PIK3R5: variants seen among roughly 807,000 people sequenced by gnomAD.
PIK3R5 encodes the protein phosphoinositide-3-kinase regulatory subunit 5.
A neutral mutation model predicts 94.9 loss-of-function variants in PIK3R5; 32 were observed. That is an observed-to-expected ratio of 0.34 (90% CI 0.25 to 0.45). The LOEUF (loss-of-function observed/expected upper bound fraction) is 0.45. Ranked by LOEUF, PIK3R5 falls within the 20% of genes least tolerant of loss-of-function variation. The probability of loss-of-function intolerance (pLI) is 1.00; values close to 1 mark genes in which losing one functional copy is unlikely to be tolerated. For missense variants in PIK3R5, 853 were observed against 1,144.6 expected, an observed-to-expected ratio of 0.75 and a Z score of 3.68; for synonymous variants, 443 against 479.4, an observed-to-expected ratio of 0.92 and a Z score of 0.99.
intron 1 of PIK3R5, among the ~76,000 whole-genome samples, chr17:8,918,125 A>T (rs531774835): frequency 5.9e-5 from 9 of 152,392 alleles, no homozygotes; most frequent in African/African-American, 1.9e-4. Flanking sequence ...ATACACATAC[A>T]TACATTTTCT....
At chr17:8,943,455 C>T (rs1208296325) in intron 1 of PIK3R5, among the ~76,000 whole-genome samples, 1 of 152,002 alleles carries the variant, frequency 6.6e-6, no homozygotes, top group Non-Finnish European at 1.5e-5. Context: ...CAATCTAATA[C>T]TTGAGCACAC....
At position 8,945,236 on chromosome 17, in the gene PIK3R5, C is replaced by T. The variant is rs1013009900; in HGVS notation, c.-14+20360G>A. Reference sequence around the variant, plus strand: ...CCTGGCTTCCTATACACTCAAGAGGCACAGCTAAGGCCTAGGAGTTGTGCC... The same window carrying T: ...CCTGGCTTCCTATACACTCAAGAGGTACAGCTAAGGCCTAGGAGTTGTGCC... On this transcript the variant is annotated intron_variant, in intron 1 of 18. Coordinates refer to ENST00000447110, the MANE Select transcript of PIK3R5 (RefSeq NM_001142633.3). This position sits in a 1 kb window ranked among gnomAD's most constrained non-coding sequence, Gnocchi z 4.0. Among the ~76,000 whole-genome samples, 3 of 152,166 alleles carry T rather than the reference C, an allele frequency of 2.0e-5. No individual in the cohort carries two copies. The highest frequency in any genetic ancestry group is 7.2e-5 in the African/African-American group (3 of 41,434).
intron 1 of PIK3R5, among the ~76,000 whole-genome samples, chr17:8,948,042 T>TAAAAAAAAAAAAAAAAAAAAAAAAAA (rs71135932): frequency 1.6e-5 from 1 of 62,776 alleles, no homozygotes; most frequent in Non-Finnish European, 3.0e-5. Context: ...GACTCCGTCT[T>TAAAAAAAAAAAAAAAAAAAAAAAAAA]AAAAAAAAAA....
rs989120304 is a variant in PIK3R5 at position 8,955,587 on chromosome 17, G to A, written c.-14+10009C>T. Among the ~76,000 whole-genome samples the A allele has an allele frequency of 6.6e-6, 1 of 152,336 alleles. No individual in the cohort carries two copies. Among genetic ancestry groups the A allele is most frequent in the African/African-American group, 2.4e-5 (1 of 41,572 alleles). ...CATAAGAAGAATCTCCTGGTGAAGA[G>A]AGGAAGAGCCTGTGGTCCAAAAGGC... On this transcript the variant is annotated intron_variant, in intron 1 of 18. Coordinates refer to ENST00000447110, the MANE Select transcript of PIK3R5 (RefSeq NM_001142633.3). This position sits in a 1 kb window ranked among gnomAD's most constrained non-coding sequence, Gnocchi z 4.4.
chr17:8,930,927 C>T (rs944845605), intron 1 of PIK3R5, among the ~76,000 whole-genome samples: 3 of 152,128 alleles, frequency 2.0e-5, no homozygotes, highest in East Asian at 1.9e-4. Flanking sequence ...GAGGGATCCT[C>T]GTGGTGATAG....
At chr17:8,887,375 G>A (rs1161818049) in intron 11 of PIK3R5, 146 bp downstream of exon 11, 1 of 1,332,908 alleles carries the variant, frequency 7.5e-7, no homozygotes, top group Non-Finnish European at 1.0e-6. Context: ...ATGGCAAAAT[G>A]TCATGTCCAA....
intron 1 of PIK3R5, among the ~76,000 whole-genome samples, chr17:8,913,090 G>A (rs563354869): frequency 2.1e-4 from 32 of 152,330 alleles, no homozygotes; most frequent in African/African-American, 7.2e-4. Flanking sequence ...AAACAAAGAC[G>A]TGATTCCAAG....
At position 8,909,005 on chromosome 17, in the gene PIK3R5, C is replaced by T; in HGVS notation, c.204+69G>A. 3 of 961,052 alleles carry T rather than the reference C, an allele frequency of 3.1e-6. No individual in the cohort carries two copies. The highest frequency in any genetic ancestry group is 2.0e-5 in the Admixed American group (1 of 49,798). 59.5% of individuals were successfully genotyped at this position (961,052 alleles called of 1,614,324 possible). ...TCCAGGCACCCAGGAATGATGTTCTCTGGGACCTATTTCTCCACTCTACGA... is the reference window on the plus strand; with the variant it reads ...TCCAGGCACCCAGGAATGATGTTCTTTGGGACCTATTTCTCCACTCTACGA... On this transcript the variant is annotated intron_variant, in intron 3 of 18. Transcript: ENST00000447110. The surrounding 1 kb of genome is among the most constrained non-coding windows in gnomAD (Gnocchi z 4.3).
chr17:8,887,783 A>C lies in PIK3R5; in HGVS notation c.1617-100T>G, dbSNP rs1055962579. 26 of 1,101,988 alleles carry C rather than the reference A, an allele frequency of 2.4e-5. No individual in the cohort carries two copies. In the African/African-American group the frequency reaches 4.0e-4, roughly 17 times the overall value. The allele number at this position is 1,101,988 out of a possible 1,614,324, so 68.3% of individuals were successfully genotyped here. ...TGAGGTGGGTGGATCACCCGAGGCCAGGAGTTCAAGACCAGCCTGGTCAAC... is the reference window on the plus strand; with the variant it reads ...TGAGGTGGGTGGATCACCCGAGGCCCGGAGTTCAAGACCAGCCTGGTCAAC... On this transcript the variant is annotated intron_variant, in intron 10 of 18. Transcript: ENST00000447110.
intron 1 of PIK3R5, among the ~76,000 whole-genome samples, chr17:8,926,694 T>TCCCACAACA: frequency 6.6e-6 from 1 of 152,214 alleles, no homozygotes; most frequent in East Asian, 1.9e-4. Context: ...ACCAGGTCCC[T>TCCCACAACA]CCCACAACAC....
chr17:8,957,003 G>A (rs186056525), intron 1 of PIK3R5, among the ~76,000 whole-genome samples: 112 of 152,274 alleles, frequency 7.4e-4, no homozygotes, highest in Non-Finnish European at 1.4e-3. Context: ...TGCGGAGAAC[G>A]GGCTGTGAAG....
At chr17:8,899,339 G>A (rs1174756904) in intron 5 of PIK3R5, among the ~76,000 whole-genome samples, 1 of 152,176 alleles carries the variant, frequency 6.6e-6, no homozygotes, top group Admixed American at 6.5e-5. Flanking sequence ...AGACTTCACG[G>A]GGGGAGGGCC....
Position 8,925,850 on chromosome 17 carries a change from G to A in PIK3R5, c.-13-14343C>T, listed in dbSNP as rs1200891145. Among the ~76,000 whole-genome samples, 1 of 152,188 alleles carries A rather than the reference G, an allele frequency of 6.6e-6. No individual in the cohort carries two copies. The highest frequency in any genetic ancestry group is 1.5e-5 in the Non-Finnish European group (1 of 68,032). ...ACATTCACTGAGATGGAGAAGTTTG[G>A]GGAGAGGACAATTTGGGAGAGGAAA... is the stretch of plus-strand genomic sequence containing the variant. On this transcript the variant is annotated intron_variant, in intron 1 of 18. Transcript: ENST00000447110. The surrounding 1 kb of genome is among the most constrained non-coding windows in gnomAD (Gnocchi z 5.1).
chr17:8,907,827 G>A (rs1019671972), intron 3 of PIK3R5, among the ~76,000 whole-genome samples: 3 of 151,906 alleles, frequency 2.0e-5, no homozygotes, highest in Non-Finnish European at 4.4e-5. Context: ...TTGTAGAGAC[G>A]AGGTCTTGCT....
At chr17:8,914,568 T>C (rs2090594874) in intron 1 of PIK3R5, among the ~76,000 whole-genome samples, 2 of 152,176 alleles carry the variant, frequency 1.3e-5, no homozygotes, top group South Asian at 4.1e-4. Flanking sequence ...GATCCTTCCT[T>C]CTCTCCGCAA....
chr17:8,888,993 A>G lies in PIK3R5; in HGVS notation c.896-102T>C. On this transcript the variant is annotated intron_variant, in intron 9 of 18. Coordinates refer to ENST00000447110, the MANE Select transcript of PIK3R5 (RefSeq NM_001142633.3). This position sits in a 1 kb window ranked among gnomAD's most constrained non-coding sequence, Gnocchi z 7.8. ...CAGCAGGACTCAGGGCCAGCCCAGG[A>G]CTCCTAGCACTGCCCCCTTGCTCTG... The G allele has an allele frequency of 6.6e-7, 1 of 1,518,558 alleles. No individual in the cohort carries two copies. 94.1% of individuals were successfully genotyped at this position (1,518,558 alleles called of 1,614,324 possible). A position where few individuals can be genotyped will look rare whatever the true frequency, so the allele number is the denominator to read the frequency against.
At position 8,945,106 on chromosome 17, in the gene PIK3R5, A is replaced by G. The variant is rs1258913312; in HGVS notation, c.-14+20490T>C. 6.6e-6 allele frequency among the ~76,000 whole-genome samples: 1 copy of G among 152,120 alleles called. No individual in the cohort carries two copies. Among genetic ancestry groups the G allele is most frequent in the Non-Finnish European group, 1.5e-5 (1 of 67,994 alleles). On this transcript the variant is annotated intron_variant, in intron 1 of 18. Coordinates refer to ENST00000447110, the MANE Select transcript of PIK3R5 (RefSeq NM_001142633.3). The surrounding 1 kb of genome is among the most constrained non-coding windows in gnomAD (Gnocchi z 4.0). The stretch of plus-strand genomic sequence containing the variant: ...CCTGGCAAAGCTTTCTCATTGTTTC[A>G]GCTGTGGCAGGCTTCTAGCCAAACC...
chr17:8,951,653 G>A (rs1347396113), intron 1 of PIK3R5, among the ~76,000 whole-genome samples: 1 of 152,166 alleles, frequency 6.6e-6, no homozygotes, highest in African/African-American at 2.4e-5. Context: ...ATCCATTAAT[G>A]GACATTTGGG....
At position 8,880,390 on chromosome 17, in the gene PIK3R5, C is replaced by T; in HGVS notation, c.*249G>A. On this transcript the variant is annotated 3_prime_UTR_variant, in exon 19 of 19. Coordinates refer to ENST00000447110, the MANE Select transcript of PIK3R5 (RefSeq NM_001142633.3). ...GACTTCAGAGGTCAATTTACCCATC[C>T]TTCTCCTTCTACTGCCAGGAATCTA... 2.4e-6 allele frequency: 1 copy of T among 411,970 alleles called. No individual in the cohort carries two copies. The highest frequency in any genetic ancestry group is 4.3e-6 in the Non-Finnish European group (1 of 232,100). 25.5% of individuals were successfully genotyped at this position (411,970 alleles called of 1,614,324 possible).
Sources: gnomAD v4.1 joint callset for allele counts (sites outside exome capture counted in the v4.1 genomes callset) on GRCh38, gnomAD v4.1.1 for gene constraint, Gnocchi (gnomAD v3.1) non-coding constraint, MANE v1.5 for transcripts, NCBI Gene and HGNC (gene_info 2026-07-23, HGNC 2026-07-21) for gene names.